RAD51AP1: variants seen among roughly 807,000 people sequenced by gnomAD.
RAD51AP1 encodes RAD51-associated protein 1.
A neutral mutation model predicts 34.3 loss-of-function variants in RAD51AP1; 14 were observed. The observed-to-expected ratio is 0.41, with a 90% CI of 0.27 to 0.64. The LOEUF (loss-of-function observed/expected upper bound fraction) is 0.64. Among genes scored for constraint, RAD51AP1 ranks in the 30% least tolerant of loss-of-function variants. The pLI is 0.33. For synonymous variants in RAD51AP1, 114 were observed against 129.8 expected, an observed-to-expected ratio of 0.88 and a Z score of 0.83; for missense variants, 348 against 386.9, an observed-to-expected ratio of 0.90 and a Z score of 0.84.
At position 4,557,862 on chromosome 12, in the gene RAD51AP1, G is replaced by A. The variant is rs150014257; in HGVS notation, c.872-995G>A. On this transcript the variant is annotated intron_variant, in intron 8 of 8. Transcript: ENST00000352618. ...GAAGCAGCTGCTACTCAGCTCCATC[G>A]TATTGTTTCCATGCAAGATTATGGG... Among the ~76,000 whole-genome samples, 316 of 152,220 alleles carry A rather than the reference G, an allele frequency of 2.1e-3. 2 individuals carry two copies. The highest frequency in any genetic ancestry group is 2.2e-3 in the Non-Finnish European group (151 of 68,020).
intron 2 of RAD51AP1, among the ~76,000 whole-genome samples, chr12:4,543,557 C>A (rs1185339208): frequency 6.6e-6 from 1 of 151,660 alleles, no homozygotes; most frequent in Non-Finnish European, 1.5e-5. Flanking sequence ...TTTTGATAGA[C>A]TGATATTTTT....
intron 3 of RAD51AP1, among the ~76,000 whole-genome samples, chr12:4,545,511 A>G (rs1944499654): frequency 6.6e-6 from 1 of 152,220 alleles, no homozygotes; most frequent in African/African-American, 2.4e-5. Flanking sequence ...CTGTGAATGT[A>G]CTAAAAACTG....
chr12:4,558,482 T>C (rs1420590601), intron 8 of RAD51AP1, among the ~76,000 whole-genome samples: 1 of 152,234 alleles, frequency 6.6e-6, no homozygotes. Context: ...AAAAATAGAC[T>C]CTTCAAGGAC....
At chr12:4,557,846 G>GCTA (rs373948500) in intron 8 of RAD51AP1, among the ~76,000 whole-genome samples, 2 of 152,172 alleles carry the variant, frequency 1.3e-5, no homozygotes, top group African/African-American at 4.8e-5. Context: ...GGAAGCAGCT[G>GCTA]CTACTCAGCT....
intron 3 of RAD51AP1, chr12:4,545,953 C>A: frequency 8.4e-7 from 1 of 1,186,470 alleles, no homozygotes. Context: ...TGGGTGAGGT[C>A]AAGGAAGAGT....
Position 4,543,903 on chromosome 12 carries a change from A to T in RAD51AP1, c.208A>T (p.Arg70Trp). The change falls in exon 3 of 9, where the codon AGG (arginine) becomes TGG (tryptophan). Residue 70 changes from arginine (R) to tryptophan (W), a missense_variant and splice_region_variant. By Grantham distance (101) the Arg-to-Trp change is moderately radical (BLOSUM62 -3). Coordinates refer to ENST00000352618, the MANE Select transcript of RAD51AP1 (RefSeq NM_006479.5). ...AGTACAAGAGAAAACCCCTAAAAAA[A>T]GGTGAGAGGTAAGACATGCAGTAAA... ...IPVQEKTPKKRMALDDKLYQR... is the reference protein window; with the variant it reads ...IPVQEKTPKKWMALDDKLYQR... 1 of 1,605,248 alleles carries T rather than the reference A, an allele frequency of 6.2e-7. No homozygotes were observed. The highest frequency in any genetic ancestry group is 8.5e-7 in the Non-Finnish European group (1 of 1,175,722).
chr12:4,542,764 A>G (rs1368794641), intron 2 of RAD51AP1, among the ~76,000 whole-genome samples: 1 of 152,232 alleles, frequency 6.6e-6, no homozygotes, highest in Non-Finnish European at 1.5e-5. Context: ...TATGTGTTGT[A>G]TACATGTGGA....
intron 7 of RAD51AP1, 60 bp from the exon 8 acceptor site, chr12:4,556,293 T>A: frequency 7.9e-7 from 1 of 1,269,376 alleles, no homozygotes; most frequent in Non-Finnish European, 1.1e-6. Context: ...TACACATATA[T>A]GCTAGACTTA....
chr12:4,557,599 C>T (rs1050263587), intron 8 of RAD51AP1, among the ~76,000 whole-genome samples: 1 of 151,668 alleles, frequency 6.6e-6, no homozygotes, highest in African/African-American at 2.4e-5. Context: ...AATGCTTCCC[C>T]AATGAAGGAA....
In RAD51AP1 at chr12:4,551,202, A is replaced by G. The variant is rs115873399; in HGVS notation, c.557-1781A>G. Among the ~76,000 whole-genome samples the G allele has an allele frequency of 1.8e-3, 273 of 152,182 alleles. 1 individual carries two copies. The highest frequency in any genetic ancestry group is 6.3e-3 in the African/African-American group (260 of 41,512). ...AGAGCAGAATTCCAGCTCACATAAA[A>G]TGCAAGAATATGGCCGGGCACAGTG... On this transcript the variant is annotated intron_variant, in intron 6 of 8. Transcript: ENST00000352618.
At chr12:4,541,409 G>C (rs546273281) in intron 1 of RAD51AP1, among the ~76,000 whole-genome samples, 1 of 152,082 alleles carries the variant, frequency 6.6e-6, no homozygotes, top group Non-Finnish European at 1.5e-5. Flanking sequence ...GTAGCTTTTA[G>C]TGTCAAGAAA....
Position 4,543,878 on chromosome 12 carries a change from A to G in RAD51AP1, c.183A>G (p.Pro61=). 1 of 1,611,442 alleles carries G rather than the reference A, an allele frequency of 6.2e-7. No individual in the cohort carries two copies. The highest frequency in any genetic ancestry group is 8.5e-7 in the Non-Finnish European group (1 of 1,178,762). Residue 61 remains proline, a synonymous_variant, in exon 3 of 9, where the codon CCA becomes CCG. Transcript: ENST00000352618. The stretch of plus-strand genomic sequence containing the variant: ...ACAATCTCCGGAAAGAAGAAATCCC[A>G]GTACAAGAGAAAACCCCTAAAAAAA... ...NLNNLRKEEI[P]VQEKTPKKRM... is the part of the protein sequence containing the mutation.
chr12:4,547,512 A>G (rs923899027), intron 4 of RAD51AP1, among the ~76,000 whole-genome samples: 7 of 152,250 alleles, frequency 4.6e-5, no homozygotes, highest in Non-Finnish European at 1.5e-5. Context: ...TGTAGAATGT[A>G]TAAGGGGAGT....
At chr12:4,539,009 C>G in intron 1 of RAD51AP1, 53 bp downstream of exon 1, 4 of 1,587,384 alleles carry the variant, frequency 2.5e-6, no homozygotes, top group South Asian at 2.2e-5. Context: ...AGGGAAAAGA[C>G]ATGAGACTAA....
At chr12:4,542,056 G>A in intron 2 of RAD51AP1, 123 bp downstream of exon 2, 1 of 466,332 alleles carries the variant, frequency 2.1e-6, no homozygotes, top group Non-Finnish European at 3.8e-6. Flanking sequence ...GGTCTGGAAA[G>A]ATAGTTTTCT....
At chr12:4,557,768 T>C (rs1027798114) in intron 8 of RAD51AP1, among the ~76,000 whole-genome samples, 3 of 152,070 alleles carry the variant, frequency 2.0e-5, no homozygotes, top group African/African-American at 7.2e-5. Flanking sequence ...AACGAGTGAA[T>C]TGGGCCCATG....
In RAD51AP1 at chr12:4,552,109, A is replaced by C. The variant is rs537695177; in HGVS notation, c.557-874A>C. Among the ~76,000 whole-genome samples, 4 of 152,170 alleles carry C rather than the reference A, an allele frequency of 2.6e-5. No individual in the cohort carries two copies. In the East Asian group the frequency reaches 7.7e-4, roughly 29 times the overall value. ...GCATGTACTGTTTATTTTTCATTTT[A>C]TTTGTACATTTTTTGATTTAAGCAT... On this transcript the variant is annotated intron_variant, in intron 6 of 8. Coordinates refer to ENST00000352618, the MANE Select transcript of RAD51AP1 (RefSeq NM_006479.5).
chr12:4,552,140 G>A (rs972615454), intron 6 of RAD51AP1, among the ~76,000 whole-genome samples: 13 of 152,044 alleles, frequency 8.6e-5, no homozygotes, highest in African/African-American at 3.1e-4. Context: ...AGCATTTTCT[G>A]CAATAAGCAT....
At chr12:4,551,206 A>C (rs547856936) in intron 6 of RAD51AP1, among the ~76,000 whole-genome samples, 2 of 152,198 alleles carry the variant, frequency 1.3e-5, no homozygotes, top group South Asian at 4.1e-4. Flanking sequence ...CATAAAATGC[A>C]AGAATATGGC....
Sources: allele counts gnomAD v4.1 joint callset (sites outside exome capture counted in the v4.1 genomes callset), GRCh38; gene constraint gnomAD v4.1.1; transcripts MANE v1.5; gene names NCBI Gene and HGNC (gene_info 2026-07-23, HGNC 2026-07-21).